The following TXNDC11 variants were observed in gnomAD, a reference collection of about 807,000 sequenced individuals.
TXNDC11 encodes the protein thioredoxin domain containing 11.
TXNDC11 carries 68 observed loss-of-function variants against 78.0 expected under a neutral mutation model. That is an observed-to-expected ratio of 0.87 (90% confidence interval 0.72 to 1.07). TXNDC11 has a LOEUF of 1.07. Among genes scored for constraint, TXNDC11 ranks in the 50% least tolerant of loss-of-function variants. TXNDC11 has a pLI of 0.00. For missense variants in TXNDC11, 1,389 were observed against 1,221.8 expected, an observed-to-expected ratio of 1.14 and a Z score of -2.04; for synonymous variants, 571 against 495.2, an observed-to-expected ratio of 1.15 and a Z score of -2.03.
chr16:11,697,211 A>G (rs1226403130), intron 7 of TXNDC11, among the ~76,000 whole-genome samples: 1 of 152,234 alleles, frequency 6.6e-6, no homozygotes, highest in African/African-American at 2.4e-5. Context: ...AACTTGAGCA[A>G]AAAGACTCCA....
chr16:11,734,190 A>C (rs913399123), intron 2 of TXNDC11, 111 bp from the exon 3 acceptor site: 7 of 763,724 alleles, frequency 9.2e-6, no homozygotes, highest in Admixed American at 2.8e-5. Flanking sequence ...CTGAAACAGA[A>C]ACTATGAAAA....
At chr16:11,688,044 C>A (rs1220377962) in intron 9 of TXNDC11, 78 bp from the exon 10 acceptor site, 2 of 1,169,150 alleles carry the variant, frequency 1.7e-6, no homozygotes, top group East Asian at 5.1e-5. Flanking sequence ...TGCTTAGAAT[C>A]CAGCAAGCAC....
chr16:11,686,731 T>C (rs1201636922), intron 10 of TXNDC11, among the ~76,000 whole-genome samples: 2 of 152,246 alleles, frequency 1.3e-5, no homozygotes, highest in Non-Finnish European at 2.9e-5. Flanking sequence ...TCTCTCCTCT[T>C]AAAAGAAAAA....
Position 11,733,868 on chromosome 16 carries a change from T to TTA in TXNDC11, c.569+113_569+114insTA. 1.4e-5 allele frequency: 10 copies of TTA among 724,486 alleles called. No individual in the cohort carries two copies. The South Asian group carries it at 1.7e-4, about 12-fold the overall frequency. The allele number at this position is 724,486 out of a possible 1,614,324, so 44.9% of individuals were successfully genotyped here. A position where few individuals can be genotyped will look rare whatever the true frequency, so the allele number is the denominator to read the frequency against. Reference sequence around the variant, plus strand: ...TTTTTTAATTTTTGCTTATCTGTATTATCTGAATTTTCTATAGTGAATATC... The same window carrying TTA: ...TTTTTTAATTTTTGCTTATCTGTATTTAATCTGAATTTTCTATAGTGAATATC... On this transcript the variant is annotated intron_variant, in intron 3 of 11. Transcript: ENST00000283033.
intron 10 of TXNDC11, among the ~76,000 whole-genome samples, chr16:11,687,579 A>C (rs2050599051): frequency 6.6e-6 from 1 of 152,178 alleles, no homozygotes; most frequent in Admixed American, 6.5e-5. Flanking sequence ...CCATCCTGGC[A>C]ACCAGGTCAG....
At chr16:11,701,761 A>G (rs76364383) in intron 5 of TXNDC11, among the ~76,000 whole-genome samples, 1 of 152,204 alleles carries the variant, frequency 6.6e-6, no homozygotes, top group African/African-American at 2.4e-5. Flanking sequence ...GGAAACATCA[A>G]GTATTGATGA....
chr16:11,701,827 G>C (rs891743981), intron 5 of TXNDC11, among the ~76,000 whole-genome samples: 9 of 152,132 alleles, frequency 5.9e-5, no homozygotes, highest in South Asian at 4.1e-4. Flanking sequence ...AAACGGCACA[G>C]CCACTCAGGA....
chr16:11,692,154 C>T, intron 7 of TXNDC11, 72 bp from the exon 8 acceptor site: 2 of 1,231,816 alleles, frequency 1.6e-6, no homozygotes, highest in East Asian at 2.4e-5. Context: ...AGCCACGTTT[C>T]ACTTTCTGTA....
At chr16:11,680,420 A>G (rs536602782) in intron 11 of TXNDC11, among the ~76,000 whole-genome samples, 2 of 152,246 alleles carry the variant, frequency 1.3e-5, no homozygotes, top group African/African-American at 4.8e-5. Flanking sequence ...GATAACTGGC[A>G]AACAGCCCAA....
rs532187113 is a variant in TXNDC11, at chr16:11,684,283, C to T, written c.2154-38G>A. On this transcript the variant is annotated intron_variant, in intron 10 of 11. Coordinates refer to ENST00000283033, the MANE Select transcript of TXNDC11 (RefSeq NM_015914.7). Reference sequence around the variant, plus strand: ...AAGAACAGAAATGGCAGATGATCAGCCCAAGAAACACCAACTTGAAAGAAC... The same window carrying T: ...AAGAACAGAAATGGCAGATGATCAGTCCAAGAAACACCAACTTGAAAGAAC... 5.4e-6 allele frequency: 8 copies of T among 1,491,632 alleles called. No homozygotes were observed. The South Asian group carries it at 9.3e-5, about 17-fold the overall frequency. The allele number at this position is 1,491,632 out of a possible 1,614,324, so 92.4% of individuals were successfully genotyped here.
At chr16:11,719,628 G>A (rs2051643215) in intron 5 of TXNDC11, among the ~76,000 whole-genome samples, 1 of 152,184 alleles carries the variant, frequency 6.6e-6, no homozygotes. Flanking sequence ...GAAGGTAATA[G>A]GGTCATTAAT....
At chr16:11,689,440 T>C (rs1241642241) in intron 8 of TXNDC11, among the ~76,000 whole-genome samples, 1 of 152,226 alleles carries the variant, frequency 6.6e-6, no homozygotes, top group African/African-American at 2.4e-5. Context: ...TATTTCCTAA[T>C]CTGAATAAAG....
At chr16:11,731,943 G>A (rs2052067248) in intron 3 of TXNDC11, among the ~76,000 whole-genome samples, 1 of 152,010 alleles carries the variant, frequency 6.6e-6, no homozygotes, top group South Asian at 2.1e-4. Flanking sequence ...AATCAAAAAA[G>A]CATCTAACTT....
At chr16:11,736,344 G>A in intron 1 of TXNDC11, 111 bp from the exon 2 acceptor site, 1 of 868,730 alleles carries the variant, frequency 1.2e-6, no homozygotes, top group South Asian at 1.6e-5. Flanking sequence ...ATAAGAAAAT[G>A]GAGTCCCAAA....
chr16:11,739,484 T>C (rs926229446), intron 1 of TXNDC11, among the ~76,000 whole-genome samples: 5 of 151,878 alleles, frequency 3.3e-5, no homozygotes, highest in African/African-American at 9.7e-5. Context: ...CATGCCATAA[T>C]TGCACCTGTG....
chr16:11,679,739 T>G lies in TXNDC11; in HGVS notation c.2333A>C (p.Gln778Pro). The change falls in exon 12 of 12, where the codon CAG (glutamine) becomes CCG (proline). Residue 778 changes from glutamine to proline, a missense_variant. By Grantham distance (76) the Gln-to-Pro change is moderately conservative. Transcript: ENST00000283033. The surrounding 1 kb of genome is among the most constrained non-coding windows in gnomAD (Gnocchi z 4.6). Reference protein sequence around the residue: ...LHHSDPASSPQNVANSPTKEC... With the variant: ...LHHSDPASSPPNVANSPTKEC... ...CTTGGTAGGAGAGTTAGCCACATTC[T>G]GGGGGCTGGAAGCAGGGTCTGAGTG... The G allele has an allele frequency of 1.2e-6, 2 of 1,614,176 alleles. No homozygotes were observed. Among genetic ancestry groups the G allele is most frequent in the Non-Finnish European group, 8.5e-7 (1 of 1,180,032 alleles).
At chr16:11,709,639 G>A (rs370356385) in intron 5 of TXNDC11, among the ~76,000 whole-genome samples, 3 of 151,618 alleles carry the variant, frequency 2.0e-5, no homozygotes, top group African/African-American at 7.3e-5. Flanking sequence ...GTTTCACCAT[G>A]TTAGCCAGGA....
At chr16:11,703,547 G>C in intron 5 of TXNDC11, 1 of 586,264 alleles carries the variant, frequency 1.7e-6, no homozygotes, top group East Asian at 3.0e-5. Flanking sequence ...CACACACAGA[G>C]GGAGAGAGAG....
chr16:11,702,112 A>G (rs577951432), intron 5 of TXNDC11, among the ~76,000 whole-genome samples: 2 of 149,296 alleles, frequency 1.3e-5, no homozygotes, highest in South Asian at 2.1e-4. Flanking sequence ...ATATATATAT[A>G]TGTTTTTTCC....
Sources: allele counts gnomAD v4.1 joint callset (sites outside exome capture counted in the v4.1 genomes callset), GRCh38; gene constraint gnomAD v4.1.1; non-coding constraint Gnocchi (gnomAD v3.1); transcripts MANE v1.5; gene names NCBI Gene and HGNC (gene_info 2026-07-23, HGNC 2026-07-21).